Variants in GSPT1 observed in about 807,000 individuals in gnomAD.
GSPT1 encodes G1 to S phase transition 1.
GSPT1 carries 20 observed loss-of-function variants against 72.5 expected under a neutral mutation model. The observed-to-expected ratio is 0.28, with a 90% CI of 0.19 to 0.40. GSPT1 has a LOEUF of 0.40. Ranked by LOEUF, GSPT1 falls within the 10% of genes least tolerant of loss-of-function variation. GSPT1 has a pLI of 1.00. For synonymous variants in GSPT1, 334 were observed against 293.5 expected (o/e 1.14, Z -1.41); for missense variants, 580 against 811.9 (o/e 0.71, Z 3.47).
upstream of GSPT1, chr16:11,916,120 C>T: frequency 2.4e-6 from 1 of 418,624 alleles, no homozygotes; most frequent in Admixed American, 3.3e-5. Context: ...CTACAAGTTC[C>T]GGCAGCGCCC....
At chr16:11,916,578 G>A (rs2054640042), upstream of GSPT1, among the ~76,000 whole-genome samples, 1 of 152,186 alleles carries the variant, frequency 6.6e-6, no homozygotes, top group Non-Finnish European at 1.5e-5. Flanking sequence ...AGATTGCAAA[G>A]CTGATTTCAT....
rs1268942469 is a variant in GSPT1 at position 11,915,426 on chromosome 16, G to A, written c.295C>T (p.Pro99Ser). Residue 99 changes from proline to serine, a missense_variant, in exon 1 of 15, where the codon CCA (proline) becomes TCA (serine). Pro to Ser is a moderately conservative substitution (Grantham distance 74, BLOSUM62 -1). This residue lies in a region of GSPT1 where 327 missense variants were observed against 298.8 expected (regional missense o/e 1.09). Coordinates refer to ENST00000434724, the MANE Select transcript of GSPT1 (RefSeq NM_002094.4). ...TGGTTATTGGCGGCGCCGCCAACTG[G>A]GGGTGGCGGCGCTGCCGGGCCCCGC... ...FLRGPAAPPP[P>S]VGGAANNHGA... 6.6e-7 allele frequency: 1 copy of A among 1,513,016 alleles called. No individual in the cohort carries two copies. Among genetic ancestry groups the A allele is most frequent in the Admixed American group, 2.1e-5 (1 of 47,088 alleles). The allele number at this position is 1,513,016 out of a possible 1,614,324, so 93.7% of individuals were successfully genotyped here.
In GSPT1 at chr16:11,904,238, C is replaced by G. The variant is rs933176000; in HGVS notation, c.353-6203G>C. ...TTATTTATTTATTTTGAGTCTTGCT[C>G]TGTTGCCAGGCTGGAGTGCAGTGGT... is the stretch of plus-strand genomic sequence containing the variant. On this transcript the variant is annotated intron_variant, in intron 1 of 14. Transcript: ENST00000434724. 3.3e-5 allele frequency: 5 copies of G among 153,188 alleles called. No individual in the cohort carries two copies. The Admixed American group carries it at 3.3e-4, about 10-fold the overall frequency. 9.5% of individuals were successfully genotyped at this position (153,188 alleles called of 1,614,324 possible).
At chr16:11,897,793 GA>G (rs1231391255) in intron 3 of GSPT1, 46 bp downstream of exon 3, 1 of 929,550 alleles carries the variant, frequency 1.1e-6, no homozygotes, top group South Asian at 1.4e-5. Context: ...TCTTGAGAGT[GA>G]AAGAGTTTCA....
At chr16:11,900,763 T>TAACAGCTTTTCAA (rs948739796) in intron 1 of GSPT1, among the ~76,000 whole-genome samples, 1 of 152,146 alleles carries the variant, frequency 6.6e-6, no homozygotes, top group African/African-American at 2.4e-5. Context: ...TCACTAACTG[T>TAACAGCTTTTCAA]AACAGCTTTT....
intron 1 of GSPT1, among the ~76,000 whole-genome samples, chr16:11,911,071 C>T (rs1567453572): frequency 6.6e-6 from 1 of 152,224 alleles, no homozygotes; most frequent in Non-Finnish European, 1.5e-5. Context: ...CATCTGCTGT[C>T]CCACTGAAGC....
Position 11,868,296 on chromosome 16 carries a change from C to G in GSPT1, c.*4823G>C, listed in dbSNP as rs780221536. 1 of 151,732 alleles carries G rather than the reference C, an allele frequency of 6.6e-6. No individual in the cohort carries two copies. Among genetic ancestry groups the G allele is most frequent in the Non-Finnish European group, 1.5e-5 (1 of 67,978 alleles). 9.4% of individuals were successfully genotyped at this position (151,732 alleles called of 1,614,324 possible). A position where few individuals can be genotyped will look rare whatever the true frequency, so the allele number is the denominator to read the frequency against. On this transcript the variant is annotated 3_prime_UTR_variant, in exon 15 of 15. Coordinates refer to ENST00000434724, the MANE Select transcript of GSPT1 (RefSeq NM_002094.4). ...AAAGCTTTCTTTCCTACCTAGAGCA[C>G]TCTTCCATGCTTTGGAATTAGGCTA...
chr16:11,885,169 C>T lies in GSPT1; in HGVS notation c.1347+12G>A, dbSNP rs1327011799. 7.5e-7 allele frequency: 1 copy of T among 1,339,322 alleles called. No individual in the cohort carries two copies. The highest frequency in any genetic ancestry group is 1.4e-5 in the African/African-American group (1 of 69,698). The allele number at this position is 1,339,322 out of a possible 1,614,324, so 83.0% of individuals were successfully genotyped here. Reference sequence around the variant, plus strand: ...CTCCCAGGAAACCCAATTTCTTTAACATTTTGGGTACCTTGTACTTATCCA... The same window carrying T: ...CTCCCAGGAAACCCAATTTCTTTAATATTTTGGGTACCTTGTACTTATCCA... On this transcript the variant is annotated intron_variant, in intron 10 of 14. Coordinates refer to ENST00000434724, the MANE Select transcript of GSPT1 (RefSeq NM_002094.4).
At chr16:11,887,098 C>T (rs2054194710) in intron 7 of GSPT1, 167 bp from the exon 8 acceptor site, 1 of 553,254 alleles carries the variant, frequency 1.8e-6, no homozygotes, top group African/African-American at 2.1e-5. Context: ...ACAAATCAAA[C>T]AATGTCTAGA....
rs59595223 is a variant in GSPT1, at chr16:11,894,256, T to C, written c.698+698A>G. On this transcript the variant is annotated intron_variant, in intron 5 of 14. Coordinates refer to ENST00000434724, the MANE Select transcript of GSPT1 (RefSeq NM_002094.4). ...CCTCTGATGACACAGTTCAAAGAAA[T>C]GGGTCTAATTTAGAGAAGCAATTAA... Among the ~76,000 whole-genome samples the C allele has an allele frequency of 1.2e-4, 17 of 141,584 alleles. No individual in the cohort carries two copies. The East Asian group carries it at 3.5e-3, about 30-fold the overall frequency. The allele number at this position is 141,584 out of a possible 152,430, so 92.9% of individuals were successfully genotyped here.
In GSPT1 at chr16:11,915,920, C is replaced by A. The variant is rs775609976; in HGVS notation, c.-200G>T. 1.2e-6 allele frequency: 1 copy of A among 804,630 alleles called. No individual in the cohort carries two copies. Among genetic ancestry groups the A allele is most frequent in the Non-Finnish European group, 2.2e-6 (1 of 462,038 alleles). 49.8% of individuals were successfully genotyped at this position (804,630 alleles called of 1,614,324 possible). The stretch of plus-strand genomic sequence containing the variant: ...CTCGCGACGACGACAGAGGCGGCGG[C>A]GGCGGCAGCTCAACCCTCCTCCTCG... On this transcript the variant is annotated 5_prime_UTR_variant, in exon 1 of 15. Transcript: ENST00000434724.
At chr16:11,914,988 C>T (rs2054611890) in intron 1 of GSPT1, 1 of 1,288,072 alleles carries the variant, frequency 7.8e-7, no homozygotes, top group African/African-American at 1.5e-5. Context: ...TAAACGCCCA[C>T]CCAAATGACT....
At chr16:11,876,926 T>C (rs1286139349) in intron 12 of GSPT1, among the ~76,000 whole-genome samples, 2 of 152,226 alleles carry the variant, frequency 1.3e-5, no homozygotes, top group Non-Finnish European at 2.9e-5. Context: ...CATCAAAATC[T>C]AACTTGATTA....
chr16:11,903,355 C>G (rs1422507392), intron 1 of GSPT1, among the ~76,000 whole-genome samples: 4 of 152,072 alleles, frequency 2.6e-5, no homozygotes, highest in South Asian at 4.2e-4. Context: ...TACTAAAATA[C>G]AAGAATTAGC....
intron 1 of GSPT1, among the ~76,000 whole-genome samples, chr16:11,912,087 A>T (rs1443263272): frequency 6.8e-6 from 1 of 146,190 alleles, no homozygotes; most frequent in Non-Finnish European, 1.5e-5. Context: ...TCACACCTGT[A>T]ATCCCGGCAC....
intron 6 of GSPT1, among the ~76,000 whole-genome samples, chr16:11,888,090 G>C (rs1241789102): frequency 6.6e-6 from 1 of 152,178 alleles, no homozygotes; most frequent in Admixed American, 6.5e-5. Flanking sequence ...GGGAGGAGGA[G>C]GTTGCAGCGA....
In GSPT1 at chr16:11,915,472, G is replaced by A. The variant is rs1412657267; in HGVS notation, c.249C>T (p.Ala83=). ...AKPFVPNVHA[A]EFVPSFLRGP... ...CCCGCAGGAAGGACGGCACGAACTC[G>A]GCGGCGTGGACGTTGGGCACGAAGG... is the stretch of plus-strand genomic sequence containing the variant. The change falls in exon 1 of 15, where the codon GCC becomes GCT. Residue 83 remains alanine, a synonymous_variant. Transcript: ENST00000434724. 1 of 1,549,990 alleles carries A rather than the reference G, an allele frequency of 6.5e-7. No individual in the cohort carries two copies.
chr16:11,904,601 C>A (rs569473973), intron 1 of GSPT1, among the ~76,000 whole-genome samples: 2 of 151,866 alleles, frequency 1.3e-5, no homozygotes, highest in African/African-American at 4.8e-5. Context: ...TATGGAGAAT[C>A]CTACTTGGCC....
At chr16:11,887,018 C>G in intron 7 of GSPT1, 87 bp from the exon 8 acceptor site, 2 of 796,222 alleles carry the variant, frequency 2.5e-6, no homozygotes, top group South Asian at 2.3e-5. Context: ...AGTTATATCA[C>G]GAGTTTTTTT....
Sources: allele counts gnomAD v4.1 joint callset (sites outside exome capture counted in the v4.1 genomes callset), GRCh38; gene constraint gnomAD v4.1.1; regional missense constraint gnomAD v4.1.1; transcripts MANE v1.5; gene names NCBI Gene and HGNC (gene_info 2026-07-23, HGNC 2026-07-21).